Variants in OR8K3 observed in about 807,000 individuals in gnomAD.
OR8K3 encodes the protein olfactory receptor family 8 subfamily K member 3 (gene/pseudogene).
For synonymous variants in OR8K3, 167 were observed against 138.8 expected (o/e 1.20, Z -1.43); for missense variants, 448 against 367.4 (o/e 1.22, Z -1.79).
intron 2 of OR8K3, among the ~76,000 whole-genome samples, chr11:56,318,049 T>C (rs1390255954): frequency 6.6e-6 from 1 of 152,156 alleles, no homozygotes; most frequent in East Asian, 1.9e-4. Context: ...ATAAATAAAA[T>C]GTCTCTAGAC....
In OR8K3 at chr11:56,319,417, C is replaced by T; in HGVS notation, c.*172C>T. 1 of 574,742 alleles carries T rather than the reference C, an allele frequency of 1.7e-6. No individual in the cohort carries two copies. Among genetic ancestry groups the T allele is most frequent in the East Asian group, 2.8e-5 (1 of 35,722 alleles). 35.6% of individuals were successfully genotyped at this position (574,742 alleles called of 1,614,324 possible). On this transcript the variant is annotated 3_prime_UTR_variant, in exon 3 of 3. Coordinates refer to ENST00000641662, the MANE Select transcript of OR8K3 (RefSeq NM_001005202.2). ...GATTAATAAACAAAATAGTAGAAAT[C>T]TTTGCCTTCCTTGATGGATAGATGA...
chr11:56,315,294 T>C lies in OR8K3; in HGVS notation c.-82+127T>C, dbSNP rs565492847. ...ATAACCATAGTAAAGTGTGACAATT[T>C]CTGATTCATTTCTCCGGGATTTCTG... On this transcript the variant is annotated intron_variant, in intron 1 of 2. Coordinates refer to ENST00000641662, the MANE Select transcript of OR8K3 (RefSeq NM_001005202.2). The C allele has an allele frequency of 1.0e-3, 154 of 152,300 alleles. 1 individual carries two copies. The highest frequency in any genetic ancestry group is 3.6e-3 in the African/African-American group (149 of 41,564). The allele number at this position is 152,300 out of a possible 1,614,324, so 9.4% of individuals were successfully genotyped here. A position where few individuals can be genotyped will look rare whatever the true frequency, so the allele number is the denominator to read the frequency against.
At chr11:56,317,703 A>G (rs1014858188) in intron 2 of OR8K3, among the ~76,000 whole-genome samples, 1 of 152,286 alleles carries the variant, frequency 6.6e-6, no homozygotes, top group Middle Eastern at 3.4e-3. Context: ...CTAAAAACAT[A>G]GTACAATAAT....
In OR8K3 at chr11:56,318,476, C is replaced by T. The variant is rs780800705; in HGVS notation, c.170C>T (p.Thr57Ile). The change falls in exon 3 of 3, where the codon ACC becomes ATC. Residue 57 changes from threonine (T) to isoleucine (I), a missense_variant. Transcript: ENST00000641662. ...VLTKLDSRLQ[T>I]PMYFFLRHLA... ...ACCAAGTTGGACTCCAGGTTGCAAA[C>T]CCCTATGTACTTTTTTCTCAGACAT... 14 of 1,614,070 alleles carry T rather than the reference C, an allele frequency of 8.7e-6. No individual in the cohort carries two copies. Among genetic ancestry groups the T allele is most frequent in the Middle Eastern group, 1.6e-4 (1 of 6,062 alleles).
rs1254494706 is a variant in OR8K3 at position 56,319,426 on chromosome 11, C to T, written c.*181C>T. 1.8e-5 allele frequency: 10 copies of T among 570,762 alleles called. No homozygotes were observed. The highest frequency in any genetic ancestry group is 2.8e-5 in the Non-Finnish European group (9 of 322,028). The allele number at this position is 570,762 out of a possible 1,614,324, so 35.4% of individuals were successfully genotyped here. A position where few individuals can be genotyped will look rare whatever the true frequency, so the allele number is the denominator to read the frequency against. Reference sequence around the variant, plus strand: ...ACAAAATAGTAGAAATCTTTGCCTTCCTTGATGGATAGATGAATTGTATTC... The same window carrying T: ...ACAAAATAGTAGAAATCTTTGCCTTTCTTGATGGATAGATGAATTGTATTC... On this transcript the variant is annotated 3_prime_UTR_variant, in exon 3 of 3. Coordinates refer to ENST00000641662, the MANE Select transcript of OR8K3 (RefSeq NM_001005202.2).
chr11:56,319,124 C>T lies in OR8K3; in HGVS notation c.818C>T (p.Ala273Val), dbSNP rs1854490245. ...CATTCCTTTGACACTGATAAAGTGG[C>T]TTCCATATTTTACACCCTGGTTATC... ...SSHSFDTDKV[A>V]SIFYTLVIPM... Residue 273 changes from alanine (A) to valine (V), a missense_variant, in exon 3 of 3, where the codon GCT becomes GTT. Transcript: ENST00000641662. 1 of 1,613,662 alleles carries T rather than the reference C, an allele frequency of 6.2e-7. No individual in the cohort carries two copies.
chr11:56,319,621 C>G lies in OR8K3; in HGVS notation c.*376C>G. On this transcript the variant is annotated 3_prime_UTR_variant, in exon 3 of 3. Coordinates refer to ENST00000641662, the MANE Select transcript of OR8K3 (RefSeq NM_001005202.2). ...TTATCTGCTACTGGAATAAAATTTA[C>G]AGTGTGTGTGCTTCTGTATGTTTCT... 1 of 184,704 alleles carries G rather than the reference C, an allele frequency of 5.4e-6. No individual in the cohort carries two copies. The highest frequency in any genetic ancestry group is 1.1e-5 in the Non-Finnish European group (1 of 87,656). The allele number at this position is 184,704 out of a possible 1,614,324, so 11.4% of individuals were successfully genotyped here. A position where few individuals can be genotyped will look rare whatever the true frequency, so the allele number is the denominator to read the frequency against.
At position 56,318,979 on chromosome 11, in the gene OR8K3, A is replaced by G. The variant is rs1269323544; in HGVS notation, c.673A>G (p.Ile225Val). ...LLSYLLILVA[I>V]LRMNSAGRQK... ...ATCTTACCTGCTCATCCTTGTAGCC[A>G]TTCTCAGGATGAATTCTGCTGGCAG... The change falls in exon 3 of 3, where the codon ATT becomes GTT. Residue 225 changes from isoleucine (I) to valine (V), a missense_variant. Ile to Val is a conservative substitution (Grantham distance 29). Coordinates refer to ENST00000641662, the MANE Select transcript of OR8K3 (RefSeq NM_001005202.2). 6.2e-7 allele frequency: 1 copy of G among 1,614,008 alleles called. No individual in the cohort carries two copies. Among genetic ancestry groups the G allele is most frequent in the Admixed American group, 1.7e-5 (1 of 59,996 alleles).
Position 56,318,467 on chromosome 11 carries a change from G to C in OR8K3, c.161G>C (p.Arg54Thr), listed in dbSNP as rs1170032925. ...GMIVLTKLDSRLQTPMYFFLR... is the reference protein window; with the variant it reads ...GMIVLTKLDSTLQTPMYFFLR... ...ATTGTCCTCACCAAGTTGGACTCCA[G>C]GTTGCAAACCCCTATGTACTTTTTT... is the stretch of plus-strand genomic sequence containing the variant. Residue 54 changes from arginine to threonine, a missense_variant, in exon 3 of 3, where the codon AGG becomes ACG. Coordinates refer to ENST00000641662, the MANE Select transcript of OR8K3 (RefSeq NM_001005202.2). The C allele has an allele frequency of 1.2e-6, 2 of 1,613,964 alleles. No homozygotes were observed. Among genetic ancestry groups the C allele is most frequent in the Non-Finnish European group, 1.7e-6 (2 of 1,179,966 alleles).
intron 2 of OR8K3, among the ~76,000 whole-genome samples, chr11:56,316,643 A>G (rs1016419751): frequency 6.6e-6 from 1 of 151,972 alleles, no homozygotes; most frequent in Non-Finnish European, 1.5e-5. Flanking sequence ...AAATCCACGT[A>G]TATCTCATGT....
chr11:56,316,379 T>G (rs945863865), intron 2 of OR8K3, among the ~76,000 whole-genome samples: 4 of 151,790 alleles, frequency 2.6e-5, no homozygotes, highest in Non-Finnish European at 5.9e-5. Flanking sequence ...TAATTTTCAT[T>G]GTAAAAACTA....
rs115763957 is a variant in OR8K3, at chr11:56,315,674, G to C, written c.-81-326G>C. ...ATTATTCAAATAAATGTGTAGATAT[G>C]ATTGTTTTCTCACTGCTTGGTGAGT... is the stretch of plus-strand genomic sequence containing the variant. On this transcript the variant is annotated intron_variant, in intron 1 of 2. Transcript: ENST00000641662. Among the ~76,000 whole-genome samples the C allele has an allele frequency of 3.0e-3, 455 of 151,592 alleles. 4 individuals are homozygous for C. The highest frequency in any genetic ancestry group is 0.011 in the African/African-American group (450 of 41,316).
chr11:56,316,460 G>A (rs983607106), intron 2 of OR8K3, among the ~76,000 whole-genome samples: 5 of 151,512 alleles, frequency 3.3e-5, no homozygotes, highest in African/African-American at 9.7e-5. Flanking sequence ...GATTATCTTA[G>A]GTTATCATGC....
intron 2 of OR8K3, among the ~76,000 whole-genome samples, chr11:56,317,443 T>G (rs1854458654): frequency 6.6e-6 from 1 of 152,104 alleles, no homozygotes; most frequent in Non-Finnish European, 1.5e-5. Context: ...ATCCATATAT[T>G]TCCTGATATT....
In OR8K3 at chr11:56,319,538, G is replaced by A. The variant is rs781779091; in HGVS notation, c.*293G>A. The A allele has an allele frequency of 7.0e-6, 2 of 286,586 alleles. No homozygotes were observed. The highest frequency in any genetic ancestry group is 1.3e-5 in the Non-Finnish European group (2 of 152,322). 17.8% of individuals were successfully genotyped at this position (286,586 alleles called of 1,614,324 possible). On this transcript the variant is annotated 3_prime_UTR_variant, in exon 3 of 3. Coordinates refer to ENST00000641662, the MANE Select transcript of OR8K3 (RefSeq NM_001005202.2). ...GGAGACAAGGAAAGCTAGTATGCTG[G>A]GTGGCAGTAGGAAACAGTGGTCATT... is the stretch of plus-strand genomic sequence containing the variant.
intron 2 of OR8K3, among the ~76,000 whole-genome samples, chr11:56,316,512 T>C (rs924488106): frequency 1.6e-4 from 25 of 152,102 alleles, no homozygotes; most frequent in Non-Finnish European, 2.7e-4. Context: ...CTGTGGGTTA[T>C]TGGGGGATAT....
At chr11:56,317,119 CAAAG>C (rs1002096267) in intron 2 of OR8K3, among the ~76,000 whole-genome samples, 2 of 151,940 alleles carry the variant, frequency 1.3e-5, no homozygotes, top group Non-Finnish European at 2.9e-5. Context: ...ATGGTCCTAA[CAAAG>C]AAGTTAATTC....
At chr11:56,318,232 T>A (rs1351145620) in intron 2 of OR8K3, 52 bp from the exon 3 acceptor site, 3 of 1,012,382 alleles carry the variant, frequency 3.0e-6, no homozygotes, top group Non-Finnish European at 4.4e-6. Flanking sequence ...ACTAAAAAAT[T>A]TCTCAGGTGA....
At position 56,318,970 on chromosome 11, in the gene OR8K3, C is replaced by T. The variant is rs145486377; in HGVS notation, c.664C>T (p.Leu222Phe). ...AGTTCTTTTATCTTACCTGCTCATC[C>T]TTGTAGCCATTCTCAGGATGAATTC... Reference protein sequence around the residue: ...LIVLLSYLLILVAILRMNSAG... With the variant: ...LIVLLSYLLIFVAILRMNSAG... Residue 222 changes from leucine (L) to phenylalanine (F), a missense_variant, in exon 3 of 3, where the codon CTT (leucine) becomes TTT (phenylalanine). By Grantham distance (22) the Leu-to-Phe change is conservative (BLOSUM62 0). Transcript: ENST00000641662. 1.3e-4 allele frequency: 217 copies of T among 1,614,134 alleles called. 1 individual carries two copies. The African/African-American group carries it at 2.5e-3, about 19-fold the overall frequency.
Sources: gnomAD v4.1 joint callset for allele counts (sites outside exome capture counted in the v4.1 genomes callset) on GRCh38, gnomAD v4.1.1 for gene constraint, MANE v1.5 for transcripts, NCBI Gene and HGNC (gene_info 2026-07-23, HGNC 2026-07-21) for gene names.